The following ELAVL4 variants were observed in gnomAD, a reference collection of about 807,000 sequenced individuals.
ELAVL4 encodes the protein ELAV like RNA binding protein 4, also known as ELAV-like protein 4.
A neutral mutation model predicts 35.6 loss-of-function variants in ELAVL4; 1 was observed. The observed-to-expected ratio is 0.03, with a 90% confidence interval of 0.01 to 0.13. The LOEUF (loss-of-function observed/expected upper bound fraction) is 0.13. Among genes scored for constraint, ELAVL4 ranks in the 10% least tolerant of loss-of-function variants. The probability of loss-of-function intolerance (pLI) is 1.00; values close to 1 mark genes in which losing one functional copy is unlikely to be tolerated. For synonymous variants in ELAVL4, 156 were observed against 171.0 expected (o/e 0.91, Z 0.69); for missense variants, 267 against 464.9 (o/e 0.57, Z 3.91).
At chr1:50,049,132 T>A (rs990562271) in intron 1 of ELAVL4, among the ~76,000 whole-genome samples, 4 of 152,140 alleles carry the variant, frequency 2.6e-5, no homozygotes, top group Non-Finnish European at 5.9e-5. Flanking sequence ...GGTAATAATT[T>A]TCATAAAATC....
intron 2 of ELAVL4, among the ~76,000 whole-genome samples, chr1:50,160,209 TA>T (rs1676547632): frequency 6.6e-6 from 1 of 152,184 alleles, no homozygotes; most frequent in Admixed American, 6.5e-5. Flanking sequence ...TGACTCCATG[TA>T]ATGAAGCTGG....
intron 3 of ELAVL4, among the ~76,000 whole-genome samples, chr1:50,183,582 T>C (rs888555844): frequency 6.6e-6 from 1 of 152,174 alleles, no homozygotes. Flanking sequence ...CTTCTCCATT[T>C]TCGCTTTATT....
At chr1:50,138,078 A>T (rs568388291) in intron 1 of ELAVL4, among the ~76,000 whole-genome samples, 41 of 152,208 alleles carry the variant, frequency 2.7e-4, no homozygotes, top group Non-Finnish European at 4.3e-4. Context: ...GGCCGAGTGA[A>T]GATGATTGAC....
At chr1:50,154,655 A>G (rs368144021) in intron 2 of ELAVL4, among the ~76,000 whole-genome samples, 14 of 152,090 alleles carry the variant, frequency 9.2e-5, no homozygotes, top group Non-Finnish European at 1.5e-4. Context: ...TTTTATACTC[A>G]GTACTTCCTT....
intron 1 of ELAVL4, among the ~76,000 whole-genome samples, chr1:50,119,086 AAG>A (rs1463327152): frequency 1.2e-4 from 16 of 129,058 alleles, no homozygotes; most frequent in Non-Finnish European, 1.8e-4. Flanking sequence ...GAAAGAAAGA[AAG>A]AAAGAAAAAG....
chr1:50,153,179 GT>G (rs2148721078), intron 2 of ELAVL4, among the ~76,000 whole-genome samples: 1 of 152,292 alleles, frequency 6.6e-6, no homozygotes, highest in South Asian at 2.1e-4. Flanking sequence ...AGTGGAGGTT[GT>G]TTTGTTTTGT....
At chr1:50,054,898 A>G (rs1382571156) in intron 1 of ELAVL4, among the ~76,000 whole-genome samples, 1 of 152,168 alleles carries the variant, frequency 6.6e-6, no homozygotes, top group Non-Finnish European at 1.5e-5. Flanking sequence ...AAGAAAAGTG[A>G]GTTTGGAATA....
intron 2 of ELAVL4, among the ~76,000 whole-genome samples, chr1:50,176,325 A>G (rs1362537148): frequency 6.6e-6 from 1 of 152,180 alleles, no homozygotes; most frequent in Non-Finnish European, 1.5e-5. Flanking sequence ...TCTTTGGCTC[A>G]GGGAATGATG....
At chr1:50,121,595 A>T (rs192443590) in intron 1 of ELAVL4, among the ~76,000 whole-genome samples, 11 of 152,000 alleles carry the variant, frequency 7.2e-5, no homozygotes, top group Non-Finnish European at 1.3e-4. Flanking sequence ...TTGTTGGGTC[A>T]TGGTCAGAAA....
chr1:50,107,494 T>C (rs762449417), upstream of ELAVL4, among the ~76,000 whole-genome samples: 3 of 152,210 alleles, frequency 2.0e-5, no homozygotes, highest in Non-Finnish European at 4.4e-5. Context: ...TTGGACAGAA[T>C]AGTTTTAATC....
chr1:50,162,983 A>G (rs914846326), intron 2 of ELAVL4, among the ~76,000 whole-genome samples: 4 of 152,210 alleles, frequency 2.6e-5, no homozygotes, highest in Non-Finnish European at 4.4e-5. Flanking sequence ...ATATAAGGAG[A>G]TCTCATATAC....
At chr1:50,178,049 G>A (rs1040411760) in intron 3 of ELAVL4, among the ~76,000 whole-genome samples, 2 of 152,160 alleles carry the variant, frequency 1.3e-5, no homozygotes, top group South Asian at 2.1e-4. Context: ...TTGGGCAGCC[G>A]GTGGTGGTCT....
Position 50,055,659 on chromosome 1 carries a change from C to A in ELAVL4, c.18+7477C>A, listed in dbSNP as rs937458681. 2.6e-5 allele frequency among the ~76,000 whole-genome samples: 4 copies of A among 151,398 alleles called. No homozygotes were observed. In the East Asian group the frequency reaches 7.9e-4, roughly 30 times the overall value. Reference sequence around the variant, plus strand: ...AACTGGTGGATAGTGTTGAAAAAATCTTTCTACTTTGACCTTCAAAATTCT... The same window carrying A: ...AACTGGTGGATAGTGTTGAAAAAATATTTCTACTTTGACCTTCAAAATTCT... On this transcript the variant is annotated intron_variant, in intron 1 of 6. Coordinates refer to the ELAVL4 transcript ENST00000448907.
At chr1:50,143,579 G>A (rs1673182332) in intron 1 of ELAVL4, among the ~76,000 whole-genome samples, 1 of 152,152 alleles carries the variant, frequency 6.6e-6, no homozygotes, top group African/African-American at 2.4e-5. Context: ...TTCAAATGAG[G>A]AAAATGAAGA....
intron 2 of ELAVL4, among the ~76,000 whole-genome samples, chr1:50,173,366 G>A (rs1009642153): frequency 6.6e-6 from 1 of 152,304 alleles, no homozygotes; most frequent in Non-Finnish European, 1.5e-5. Flanking sequence ...ACAAAAACCT[G>A]TTTAATTCAA....
chr1:50,155,411 A>G (rs1268600786), intron 2 of ELAVL4, among the ~76,000 whole-genome samples: 1 of 152,090 alleles, frequency 6.6e-6, no homozygotes, highest in Admixed American at 6.5e-5. Context: ...ACTGTAATGC[A>G]GGATTGGATA....
At chr1:50,118,961 A>AGAGTGG (rs1311795114) in intron 1 of ELAVL4, among the ~76,000 whole-genome samples, 1 of 125,716 alleles carries the variant, frequency 8.0e-6, no homozygotes, top group Admixed American at 8.0e-5. Context: ...AGAGAGAGAG[A>AGAGTGG]GAGGGAGGGA....
chr1:50,197,311 A>G, intron 5 of ELAVL4, 118 bp from the exon 6 acceptor site: 1 of 977,368 alleles, frequency 1.0e-6, no homozygotes, highest in Admixed American at 2.8e-5. Flanking sequence ...ACTCCTAAGC[A>G]GTGGGGAAAG....
intron 1 of ELAVL4, among the ~76,000 whole-genome samples, chr1:50,078,144 A>G (rs6685278): frequency 0.48 from 65,863 of 137,980 alleles, 16,671 homozygotes; most frequent in Non-Finnish European, 0.59. Context: ...GTGTGTGTGT[A>G]TATAGTATTT....
Sources: gnomAD v4.1 joint callset for allele counts (sites outside exome capture counted in the v4.1 genomes callset) on GRCh38, gnomAD v4.1.1 for gene constraint, MANE v1.5 for transcripts, NCBI Gene and HGNC (gene_info 2026-07-23, HGNC 2026-07-21) for gene names.